The following PFAS variants were observed in gnomAD, a reference collection of about 807,000 sequenced individuals.
PFAS encodes the protein FGAM synthase.
Under a neutral mutation model 140.6 loss-of-function variants are expected in PFAS, and 97 were observed. The observed-to-expected ratio is 0.69, with a 90% confidence interval of 0.59 to 0.82. PFAS has a LOEUF of 0.82. Among genes scored for constraint, PFAS ranks in the 40% least tolerant of loss-of-function variants. PFAS has a pLI of 0.00. For synonymous variants in PFAS, 679 were observed against 718.8 expected, an observed-to-expected ratio of 0.94 and a Z score of 0.88; for missense variants, 1,656 against 1,780.2, an observed-to-expected ratio of 0.93 and a Z score of 1.26.
Position 8,256,894 on chromosome 17 carries a change from T to C in PFAS, c.1006T>C (p.Cys336Arg), listed in dbSNP as rs1277353408. The C allele has an allele frequency of 1.9e-6, 3 of 1,614,086 alleles. No homozygotes were observed. Among genetic ancestry groups the C allele is most frequent in the Admixed American group, 1.7e-5 (1 of 60,016 alleles). ...GTGGRIRDVQ[C>R]TGRGAHVVAG... ...AGGGGGCCGGATTCGAGATGTCCAG[T>C]GCACAGGCCGCGGGGCCCACGTGGT... The change falls in exon 9 of 28, where the codon TGC becomes CGC. Residue 336 changes from cysteine (C) to arginine (R), a missense_variant. Cys to Arg is a radical substitution (Grantham distance 180). Transcript: ENST00000314666.
rs1450682534 is a variant in PFAS at position 8,264,825 on chromosome 17, TG to T, written c.2050-65del. ...AGGCCTCCCACTGCCCTGAGTGCCT[TG>T]GGGGCATGTGCGGGAGCTCAGGCTG... On this transcript the variant is annotated intron_variant, in intron 17 of 27. Transcript: ENST00000314666. The T allele has an allele frequency of 4.3e-6, 5 of 1,168,006 alleles. No individual in the cohort carries two copies. In the African/African-American group the frequency reaches 6.1e-5, roughly 14 times the overall value. The allele number at this position is 1,168,006 out of a possible 1,614,324, so 72.4% of individuals were successfully genotyped here. A position where few individuals can be genotyped will look rare whatever the true frequency, so the allele number is the denominator to read the frequency against.
intron 11 of PFAS, among the ~76,000 whole-genome samples, chr17:8,260,948 T>C (rs1213649703): frequency 2.0e-5 from 3 of 151,932 alleles, no homozygotes; most frequent in African/African-American, 7.3e-5. Context: ...TGTATGAACA[T>C]ATGTTATAAT....
chr17:8,268,052 A>ATG (rs1989901764), intron 26 of PFAS, among the ~76,000 whole-genome samples: 1 of 16,886 alleles, frequency 5.9e-5, no homozygotes, highest in African/African-American at 1.4e-4. Context: ...ATTTTTAAAT[A>ATG]TATATATATA....
intron 11 of PFAS, among the ~76,000 whole-genome samples, chr17:8,259,703 G>A (rs765735997): frequency 5.9e-5 from 9 of 152,040 alleles, no homozygotes; most frequent in African/African-American, 1.4e-4. Context: ...TGGGAAGATC[G>A]CTTGAGCCAA....
In PFAS at chr17:8,259,092, G is replaced by C. The variant is rs562722051; in HGVS notation, c.1336+893G>C. ...AGCTGGGAGGTGGAGGTTGCAGTGAGTGGAGATCGCACCACTGCGATCGCA... is the reference window on the plus strand; with the variant it reads ...AGCTGGGAGGTGGAGGTTGCAGTGACTGGAGATCGCACCACTGCGATCGCA... On this transcript the variant is annotated intron_variant, in intron 11 of 27. Coordinates refer to ENST00000314666, the MANE Select transcript of PFAS (RefSeq NM_012393.3). Among the ~76,000 whole-genome samples, 84 of 149,550 alleles carry C rather than the reference G, an allele frequency of 5.6e-4. 1 individual carries two copies. The highest frequency in any genetic ancestry group is 1.6e-4 in the Non-Finnish European group (11 of 67,658).
In PFAS at chr17:8,267,971, A is replaced by T. The variant is rs980717961; in HGVS notation, c.3382+306A>T. Among the ~76,000 whole-genome samples the T allele has an allele frequency of 8.4e-5, 12 of 143,570 alleles. No individual in the cohort carries two copies. The highest frequency in any genetic ancestry group is 1.4e-4 in the Admixed American group (2 of 14,186). 94.2% of individuals were successfully genotyped at this position (143,570 alleles called of 152,430 possible). ...TATATTATTAAAATATATATTATTT[A>T]TATATATTATTTATATATTATTAAA... is the stretch of plus-strand genomic sequence containing the variant. On this transcript the variant is annotated intron_variant, in intron 26 of 27. Transcript: ENST00000314666. The surrounding 1 kb of genome is among the most constrained non-coding windows in gnomAD (Gnocchi z 4.9).
At chr17:8,268,036 A>ATATTATTTATATATATTATT (rs1266651822) in intron 26 of PFAS, among the ~76,000 whole-genome samples, 45 of 103,136 alleles carry the variant, frequency 4.4e-4, no homozygotes, top group African/African-American at 1.6e-3. Context: ...TTATTAAAAT[A>ATATTATTTATATATATTATT]TGTATATTTT....
In PFAS at chr17:8,269,425, T is replaced by G. The variant is rs1333852502; in HGVS notation, c.*161T>G. 3 of 594,564 alleles carry G rather than the reference T, an allele frequency of 5.0e-6. No individual in the cohort carries two copies. Among genetic ancestry groups the G allele is most frequent in the Non-Finnish European group, 9.0e-6 (3 of 333,254 alleles). The allele number at this position is 594,564 out of a possible 1,614,324, so 36.8% of individuals were successfully genotyped here. On this transcript the variant is annotated 3_prime_UTR_variant, in exon 28 of 28. Transcript: ENST00000314666. ...TCAGCGGACTCGATAATCTGCCTGC[T>G]GATGTTCCTTCTGTGGCTGTGTCTA...
intron 1 of PFAS, among the ~76,000 whole-genome samples, chr17:8,251,402 C>T (rs1159466313): frequency 6.6e-6 from 1 of 152,060 alleles, no homozygotes; most frequent in African/African-American, 2.4e-5. Flanking sequence ...TTACCTCAGC[C>T]TCTTGAGTAG....
At chr17:8,247,993 G>T, upstream of PFAS, 1 of 1,562,670 alleles carries the variant, frequency 6.4e-7, no homozygotes, top group Non-Finnish European at 8.7e-7. Context: ...AGACGTAATA[G>T]CAGCACTCAC....
In PFAS at chr17:8,255,874, G is replaced by A. The variant is rs760508060; in HGVS notation, c.644G>A (p.Ser215Asn). ...TTCCAGGAGCTACAGCGGAACCCGA[G>A]CACTGTGGAGGCCTTTGACTTGGCG... is the stretch of plus-strand genomic sequence containing the variant. ...KRFQELQRNP[S>N]TVEAFDLAQS... The change falls in exon 6 of 28, where the codon AGC becomes AAC. Residue 215 changes from serine (S) to asparagine (N), a missense_variant. Coordinates refer to ENST00000314666, the MANE Select transcript of PFAS (RefSeq NM_012393.3). 2.2e-5 allele frequency: 35 copies of A among 1,613,966 alleles called. No homozygotes were observed. Among genetic ancestry groups the A allele is most frequent in the Non-Finnish European group, 3.0e-5 (35 of 1,179,960 alleles).
In PFAS at chr17:8,262,878, G is replaced by T. The variant is rs753264274; in HGVS notation, c.1337-42G>T. On this transcript the variant is annotated intron_variant, in intron 11 of 27. Coordinates refer to ENST00000314666, the MANE Select transcript of PFAS (RefSeq NM_012393.3). ...TGCCTTGCTTTCGAGGCCTCTTCTC[G>T]TGGCTTCCCCAGTGTTCTGATTCTG... 6 of 1,525,250 alleles carry T rather than the reference G, an allele frequency of 3.9e-6. No individual in the cohort carries two copies. In the South Asian group the frequency reaches 5.6e-5, roughly 14 times the overall value. 94.5% of individuals were successfully genotyped at this position (1,525,250 alleles called of 1,614,324 possible).
intron 11 of PFAS, among the ~76,000 whole-genome samples, chr17:8,261,311 A>G (rs1989582702): frequency 6.6e-6 from 1 of 150,614 alleles, no homozygotes; most frequent in African/African-American, 2.4e-5. Flanking sequence ...ATCTCAGCTC[A>G]CTGCAACCTC....
chr17:8,248,156 C>T (rs955253713), upstream of PFAS: 5 of 763,176 alleles, frequency 6.6e-6, no homozygotes, highest in Non-Finnish European at 1.1e-5. Flanking sequence ...CCAGCTCCTT[C>T]TCGCTGCTCA....
rs1326844264 is a variant in PFAS at position 8,265,399 on chromosome 17, GC to G, written c.2393del (p.Ala798GlufsTer41). The G allele has an allele frequency of 6.2e-7, 1 of 1,614,210 alleles. No homozygotes were observed. Among genetic ancestry groups the G allele is most frequent in the East Asian group, 2.2e-5 (1 of 44,884 alleles). The stretch of plus-strand genomic sequence containing the variant: ...GGCAGTGATGGCAGCCCTGGGTGTG[GC>G]AGTGGATGGTGGCAAGGACTCCCTC... ...MVAVMAALGVAVDGGKDSLSM... is the reference protein window; with the variant it reads ...MVAVMAALGVXVDGGKDSLSM... On this transcript the variant is annotated frameshift_variant, in exon 19 of 28. Transcript: ENST00000314666. LOFTEE classifies it high-confidence loss of function.
In PFAS at chr17:8,262,948, C is replaced by T. The variant is rs772715158; in HGVS notation, c.1365C>T (p.Pro455=). The T allele has an allele frequency of 2.4e-5, 38 of 1,613,904 alleles. No homozygotes were observed. Among genetic ancestry groups the T allele is most frequent in the Admixed American group, 1.2e-4 (7 of 59,988 alleles). Residue 455 remains proline, a synonymous_variant, in exon 12 of 28, where the codon CCC becomes CCT. Coordinates refer to ENST00000314666, the MANE Select transcript of PFAS (RefSeq NM_012393.3). The part of the protein sequence containing the change: ...PGMEVVKVGG[P]VYRIGVGGGA... Reference sequence around the variant, plus strand: ...TGGAAGTTGTAAAGGTTGGAGGTCCCGTCTACAGGATTGGAGTTGGAGGTG... The same window carrying T: ...TGGAAGTTGTAAAGGTTGGAGGTCCTGTCTACAGGATTGGAGTTGGAGGTG...
chr17:8,266,052 G>T lies in PFAS; in HGVS notation c.2701+35G>T, dbSNP rs376652458. ...GACCCCTGGGGAGATAGCGCACAGG[G>T]TGCCAGGCGTGCAGCAGGCGTTCAC... On this transcript the variant is annotated intron_variant, in intron 21 of 27. Coordinates refer to ENST00000314666, the MANE Select transcript of PFAS (RefSeq NM_012393.3). This position sits in a 1 kb window ranked among gnomAD's most constrained non-coding sequence, Gnocchi z 5.0. 1 of 1,567,634 alleles carries T rather than the reference G, an allele frequency of 6.4e-7. No homozygotes were observed. The highest frequency in any genetic ancestry group is 8.7e-7 in the Non-Finnish European group (1 of 1,152,666).
intron 10 of PFAS, 38 bp from the exon 11 acceptor site, chr17:8,258,033 G>T: frequency 6.2e-7 from 1 of 1,613,714 alleles, no homozygotes; most frequent in Non-Finnish European, 8.5e-7. Flanking sequence ...AGCACTGGGG[G>T]AACTGAGTGA....
intron 11 of PFAS, among the ~76,000 whole-genome samples, chr17:8,262,160 A>G (rs1989619564): frequency 6.6e-6 from 1 of 152,206 alleles, no homozygotes; most frequent in Admixed American, 6.5e-5. Context: ...TATCTTGGAA[A>G]TAATTTCATA....
Sources: gnomAD v4.1 joint callset for allele counts (sites outside exome capture counted in the v4.1 genomes callset) on GRCh38, gnomAD v4.1.1 for gene constraint, Gnocchi (gnomAD v3.1) non-coding constraint, MANE v1.5 for transcripts, NCBI Gene and HGNC (gene_info 2026-07-23, HGNC 2026-07-21) for gene names.